MYO7A: variants seen among roughly 807,000 people sequenced by gnomAD.
MYO7A encodes myosin VIIA, also known as unconventional myosin-VIIa.
MYO7A carries 210 observed loss-of-function variants against 263.8 expected under a neutral mutation model. The observed-to-expected ratio is 0.80, with a 90% CI of 0.71 to 0.89. The LOEUF (loss-of-function observed/expected upper bound fraction) is 0.89. Among genes scored for constraint, MYO7A ranks in the 40% least tolerant of loss-of-function variants. MYO7A has a pLI of 0.00. For missense variants in MYO7A, 2,820 were observed against 2,968.3 expected (o/e 0.95, Z 1.16); for synonymous variants, 1,239 against 1,197.3 (o/e 1.03, Z -0.72).
chr11:77,207,605 C>CAA (rs1432125213), intron 42 of MYO7A, among the ~76,000 whole-genome samples: 1 of 152,208 alleles, frequency 6.6e-6, no homozygotes, highest in Admixed American at 6.5e-5. Flanking sequence ...GCACATGGCT[C>CAA]AAACCCTCTT....
chr11:77,213,419 C>A (rs1183198359), intron 47 of MYO7A, among the ~76,000 whole-genome samples: 1 of 152,202 alleles, frequency 6.6e-6, no homozygotes, highest in Non-Finnish European at 1.5e-5. Context: ...GTGAAGAGGG[C>A]TCGTGACCAC....
chr11:77,178,661 A>G (rs111593640), intron 19 of MYO7A, among the ~76,000 whole-genome samples: 114 of 152,370 alleles, frequency 7.5e-4, no homozygotes, highest in African/African-American at 2.6e-3. Context: ...ACTTAGGGTC[A>G]GTCAGAAGAC....
chr11:77,136,690 C>A (rs1373984971), intron 2 of MYO7A, among the ~76,000 whole-genome samples: 1 of 152,246 alleles, frequency 6.6e-6, no homozygotes, highest in Non-Finnish European at 1.5e-5. Flanking sequence ...GTTAAATCCT[C>A]ACGAGCACGT....
At chr11:77,185,593 G>A (rs73495769) in intron 27 of MYO7A, among the ~76,000 whole-genome samples, 3,007 of 152,200 alleles carry the variant, frequency 0.02, 101 homozygotes, top group African/African-American at 0.068. Flanking sequence ...CACATCTGCA[G>A]TTACTTCCTC....
At position 77,182,992 on chromosome 11, in the gene MYO7A, G is replaced by A. The variant is rs1288748379; in HGVS notation, c.3286-76G>A. On this transcript the variant is annotated intron_variant, in intron 25 of 48. Transcript: ENST00000409709. ...TCACGTGGAAGCGAGACGGTTCCCC[G>A]CAAAGTCTTGCTGTCGGGGGTCTCG... 4.3e-5 allele frequency: 55 copies of A among 1,280,198 alleles called. No homozygotes were observed. In the African/African-American group the frequency reaches 5.0e-4, roughly 12 times the overall value. The allele number at this position is 1,280,198 out of a possible 1,614,324, so 79.3% of individuals were successfully genotyped here.
At chr11:77,152,153 A>G (rs1193165005) in intron 4 of MYO7A, among the ~76,000 whole-genome samples, 2 of 152,234 alleles carry the variant, frequency 1.3e-5, no homozygotes, top group African/African-American at 4.8e-5. Context: ...CCGAGGAAAG[A>G]GGCCTCATTT....
chr11:77,186,454 C>A (rs1262643396), intron 27 of MYO7A, among the ~76,000 whole-genome samples: 1 of 152,206 alleles, frequency 6.6e-6, no homozygotes, highest in Non-Finnish European at 1.5e-5. Flanking sequence ...TCACCTTCAT[C>A]AATGATTCTA....
At chr11:77,208,291 G>A in intron 42 of MYO7A, 139 bp from the exon 43 acceptor site, 1 of 680,072 alleles carries the variant, frequency 1.5e-6, no homozygotes. Flanking sequence ...GGCAGGGTGG[G>A]GCTGACACAC....
At chr11:77,154,994 G>T (rs1952313670) in intron 4 of MYO7A, among the ~76,000 whole-genome samples, 2 of 152,170 alleles carry the variant, frequency 1.3e-5, no homozygotes, top group African/African-American at 2.4e-5. Flanking sequence ...AGGGCAGGTT[G>T]TCACCTCCCC....
intron 43 of MYO7A, 62 bp from the exon 44 acceptor site, chr11:77,208,635 T>A: frequency 6.6e-7 from 1 of 1,504,592 alleles, no homozygotes; most frequent in Non-Finnish European, 9.1e-7. Context: ...GGGTCTGGGC[T>A]CGGGACGTGA....
intron 39 of MYO7A, 110 bp downstream of exon 39, chr11:77,204,339 C>A: frequency 7.0e-7 from 1 of 1,430,112 alleles, no homozygotes; most frequent in East Asian, 2.5e-5. Flanking sequence ...TCCTTCCTCA[C>A]ACAGAGCCGG....
chr11:77,135,240 C>G (rs1288762823), intron 2 of MYO7A, among the ~76,000 whole-genome samples: 1 of 152,216 alleles, frequency 6.6e-6, no homozygotes, highest in Non-Finnish European at 1.5e-5. Flanking sequence ...TCCCCACCAC[C>G]CTTGGCAACC....
chr11:77,161,753 G>A (rs966722322), intron 12 of MYO7A, among the ~76,000 whole-genome samples: 1 of 152,210 alleles, frequency 6.6e-6, no homozygotes, highest in African/African-American at 2.4e-5. Flanking sequence ...TGATGTCCCT[G>A]TATGGCCCAC....
Position 77,190,825 on chromosome 11 carries a change from C to A in MYO7A, c.3879C>A (p.Leu1293=). The A allele has an allele frequency of 6.3e-7, 1 of 1,589,872 alleles. No individual in the cohort carries two copies. Among genetic ancestry groups the A allele is most frequent in the East Asian group, 2.3e-5 (1 of 43,622 alleles). Residue 1293 remains leucine, a synonymous_variant, in exon 30 of 49, where the codon CTC becomes CTA. Coordinates refer to ENST00000409709, the MANE Select transcript of MYO7A (RefSeq NM_000260.4). The part of the protein sequence containing the change: ...LCNALADKIS[L]KDRFGFSLYI... ...ACGCGCTGGCCGACAAGATCTCTCT[C>A]AAGGACCGGTTCGGGTTCTCCCTCT...
Position 77,179,865 on chromosome 11 carries a change from T to C in MYO7A, c.2498T>C (p.Phe833Ser). Reference sequence around the variant, plus strand: ...CGCGCCTATCTGGTGCGCAAGGCCTTCCGCCACCGCCTCTGGGCTGTGCTC... The same window carrying C: ...CGCGCCTATCTGGTGCGCAAGGCCTCCCGCCACCGCCTCTGGGCTGTGCTC... ...RCRAYLVRKA[F>S]RHRLWAVLTV... Residue 833 changes from phenylalanine (F) to serine (S), a missense_variant, in exon 21 of 49, where the codon TTC becomes TCC. Transcript: ENST00000409709. The C allele has an allele frequency of 6.5e-7, 1 of 1,541,436 alleles. No individual in the cohort carries two copies. The highest frequency in any genetic ancestry group is 8.7e-7 in the Non-Finnish European group (1 of 1,146,782).
chr11:77,190,758 C>T lies in MYO7A; in HGVS notation c.3812C>T (p.Thr1271Ile). The T allele has an allele frequency of 1.2e-6, 2 of 1,600,264 alleles. No individual in the cohort carries two copies. The highest frequency in any genetic ancestry group is 1.7e-6 in the Non-Finnish European group (2 of 1,173,806). ...PVTFMDGTTK[T>I]LLTDSATTAK... is the part of the protein sequence containing the mutation. ...ACATTCATGGATGGGACCACCAAGA[C>T]CCTGCTGACGGACTCGGCAACCACG... Residue 1271 changes from threonine to isoleucine, a missense_variant, in exon 30 of 49, where the codon ACC becomes ATC. Thr to Ile is a moderately conservative substitution (Grantham distance 89). Transcript: ENST00000409709.
intron 31 of MYO7A, among the ~76,000 whole-genome samples, chr11:77,193,152 G>A (rs1956329585): frequency 6.8e-6 from 1 of 146,702 alleles, no homozygotes; most frequent in South Asian, 2.2e-4. Flanking sequence ...GATCGTGGAG[G>A]TAGCGATGGT....
chr11:77,161,978 A>T, intron 12 of MYO7A, 142 bp from the exon 13 acceptor site: 1 of 784,872 alleles, frequency 1.3e-6, no homozygotes, highest in Non-Finnish European at 2.1e-6. Flanking sequence ...GGTGGACTTG[A>T]CAATTCCCCT....
rs111033233 is a variant in MYO7A at position 77,181,589 on chromosome 11, G to T, written c.2904G>T (p.Glu968Asp). Reference sequence around the variant, plus strand: ...AGGGCCAGGCACCTAGTGGCTTTGAGGTACCAGGCTAGGGACAGGGGCTCC... The same window carrying T: ...AGGGCCAGGCACCTAGTGGCTTTGATGTACCAGGCTAGGGACAGGGGCTCC... ...GQEGQAPSGF[E>D]DLERGRREMV... Residue 968 changes from glutamate to aspartate, a missense_variant and splice_region_variant, in exon 23 of 49, where the codon GAG (glutamate) becomes GAT (aspartate). Transcript: ENST00000409709. 78 of 1,612,662 alleles carry T rather than the reference G, an allele frequency of 4.8e-5. No homozygotes were observed. Among genetic ancestry groups the T allele is most frequent in the Non-Finnish European group, 6.4e-5 (76 of 1,179,744 alleles).
Sources: gnomAD v4.1 joint callset for allele counts (sites outside exome capture counted in the v4.1 genomes callset) on GRCh38, gnomAD v4.1.1 for gene constraint, MANE v1.5 for transcripts, NCBI Gene and HGNC (gene_info 2026-07-23, HGNC 2026-07-21) for gene names.